Variants in ADARB2 observed in about 807,000 individuals in gnomAD.
ADARB2 encodes inactive double-stranded RNA-specific editase B2.
A neutral mutation model predicts 62.2 loss-of-function variants in ADARB2; 25 were observed. The ratio of observed to expected loss-of-function variants is 0.40; its 90% CI spans 0.29 to 0.56. The LOEUF is 0.56. Ranked by LOEUF, ADARB2 falls within the 20% of genes least tolerant of loss-of-function variation. The pLI, the probability that ADARB2 is intolerant of heterozygous loss-of-function variation, is 0.43. For synonymous variants in ADARB2, 572 were observed against 500.8 expected (o/e 1.14, Z -1.90); for missense variants, 1,071 against 1,077.4 (o/e 0.99, Z 0.08).
intron 1 of ADARB2, among the ~76,000 whole-genome samples, chr10:1,684,838 G>A (rs80318943): frequency 0.014 from 2,120 of 152,330 alleles, 54 homozygotes; most frequent in African/African-American, 0.049. Context: ...TCAGGAATGC[G>A]TGAGTTCTGA....
chr10:1,719,754 A>G (rs1460570702), intron 1 of ADARB2, among the ~76,000 whole-genome samples: 1 of 152,136 alleles, frequency 6.6e-6, no homozygotes, highest in Non-Finnish European at 1.5e-5. Context: ...CACGTTCTCT[A>G]AAGAAGACAA....
At position 1,363,344 on chromosome 10, in the gene ADARB2, C is replaced by G. The variant is rs981640528; in HGVS notation, c.761G>C (p.Arg254Pro). Residue 254 changes from arginine to proline, a missense_variant, in exon 3 of 10, where the codon CGG becomes CCG. Coordinates refer to ENST00000381312, the MANE Select transcript of ADARB2 (RefSeq NM_018702.4). ...GTCCAGCGCGCGGCACAGCAGCCGC[C>G]GTCGCCCGTAGGCCGCGGACAGAAG... is the stretch of plus-strand genomic sequence containing the variant. ...AALLSAAYGR[R>P]RLLCRALDLV... is the part of the protein sequence containing the mutation. 9.6e-6 allele frequency: 12 copies of G among 1,252,204 alleles called. No homozygotes were observed. The highest frequency in any genetic ancestry group is 4.3e-5 in the Admixed American group (1 of 23,110). 77.6% of individuals were successfully genotyped at this position (1,252,204 alleles called of 1,614,324 possible).
chr10:1,627,213 C>T (rs781363184), intron 1 of ADARB2, among the ~76,000 whole-genome samples: 5 of 152,078 alleles, frequency 3.3e-5, no homozygotes, highest in Non-Finnish European at 5.9e-5. Context: ...CTTGACGAGC[C>T]TCGGATTGAT....
intron 1 of ADARB2, among the ~76,000 whole-genome samples, chr10:1,573,986 A>G (rs916173725): frequency 1.3e-5 from 2 of 152,220 alleles, no homozygotes; most frequent in African/African-American, 4.8e-5. Context: ...TGTTTCTTAC[A>G]TTAAAACAAT....
intron 1 of ADARB2, among the ~76,000 whole-genome samples, chr10:1,405,716 C>T (rs1041113574): frequency 2.6e-5 from 4 of 151,918 alleles, no homozygotes; most frequent in African/African-American, 7.3e-5. Flanking sequence ...TATGTTGAAG[C>T]CTCTAAGAAG....
At chr10:1,327,947 GTTCAGTGT>G (rs1831890161) in intron 3 of ADARB2, among the ~76,000 whole-genome samples, 2 of 151,822 alleles carry the variant, frequency 1.3e-5, no homozygotes, top group Non-Finnish European at 2.9e-5. Flanking sequence ...CCTCCTCACA[GTTCAGTGT>G]CTCACCAGTA....
chr10:1,557,785 A>T (rs1013981017), intron 1 of ADARB2, among the ~76,000 whole-genome samples: 13 of 152,100 alleles, frequency 8.5e-5, no homozygotes, highest in African/African-American at 3.1e-4. Flanking sequence ...AGTGGTGGGC[A>T]TCTGTAATCC....
chr10:1,737,145 G>A lies in ADARB2; in HGVS notation c.6C>T (p.Ala2=). 6.2e-7 allele frequency: 1 copy of A among 1,607,680 alleles called. No individual in the cohort carries two copies. Among genetic ancestry groups the A allele is most frequent in the Non-Finnish European group, 8.5e-7 (1 of 1,179,874 alleles). Residue 2 remains alanine (A), a synonymous_variant, in exon 1 of 10, where the codon GCC becomes GCT. Coordinates refer to ENST00000381312, the MANE Select transcript of ADARB2 (RefSeq NM_018702.4). Reference sequence around the variant, plus strand: ...ACCCTCTGCCGCTCCCCAGGACCGAGGCCATGGCCGAGACCCAGGCGCGGA... The same window carrying A: ...ACCCTCTGCCGCTCCCCAGGACCGAAGCCATGGCCGAGACCCAGGCGCGGA... M[A]SVLGSGRGSG...
chr10:1,560,657 G>A (rs969531968), intron 1 of ADARB2, among the ~76,000 whole-genome samples: 2 of 152,180 alleles, frequency 1.3e-5, no homozygotes, highest in African/African-American at 4.8e-5. Flanking sequence ...GCAATTGTAA[G>A]ACTGCAGTCA....
intron 6 of ADARB2, among the ~76,000 whole-genome samples, chr10:1,231,971 A>G (rs939015646): frequency 3.9e-5 from 6 of 152,220 alleles, no homozygotes; most frequent in Admixed American, 3.3e-4. Context: ...ACAGCAGGGC[A>G]TAACAAAAAT....
chr10:1,690,032 C>T (rs58862352), intron 1 of ADARB2, among the ~76,000 whole-genome samples: 2,333 of 152,176 alleles, frequency 0.015, 62 homozygotes, highest in African/African-American at 0.053. Flanking sequence ...GACTGCTCAC[C>T]GAAGTCTTTG....
chr10:1,417,514 C>A (rs1314767013), intron 1 of ADARB2, among the ~76,000 whole-genome samples: 1 of 152,186 alleles, frequency 6.6e-6, no homozygotes, highest in Non-Finnish European at 1.5e-5. Context: ...TATTATCATT[C>A]CTATTTTACA....
rs1203226815 is a variant in ADARB2 at position 1,460,109 on chromosome 10, TGC to T, written c.101-80951_101-80950del. ...AACCTGCCTGTGACCTGAGTTTACC[TGC>T]GTTACGAACCTGCCTGTGACCTGAG... On this transcript the variant is annotated intron_variant, in intron 1 of 9. Transcript: ENST00000381312. Among the ~76,000 whole-genome samples, 7 of 49,134 alleles carry T rather than the reference TGC, an allele frequency of 1.4e-4. 1 individual carries two copies. The highest frequency in any genetic ancestry group is 4.4e-4 in the African/African-American group (6 of 13,732). 32.2% of individuals were successfully genotyped at this position (49,134 alleles called of 152,430 possible).
Position 1,292,791 on chromosome 10 carries a change from C to T in ADARB2, c.1078-21722G>A, listed in dbSNP as rs571474395. ...GGACACCCCAACGGGGAACAGAGGT[C>T]GAATGACGTGTGGCTGCTCGGAGCC... is the stretch of plus-strand genomic sequence containing the variant. On this transcript the variant is annotated intron_variant, in intron 3 of 9. Coordinates refer to ENST00000381312, the MANE Select transcript of ADARB2 (RefSeq NM_018702.4). 5.9e-5 allele frequency: 9 copies of T among 152,236 alleles called. No homozygotes were observed. In the Middle Eastern group the frequency reaches 0.01, roughly 173 times the overall value. The allele number at this position is 152,236 out of a possible 1,614,324, so 9.4% of individuals were successfully genotyped here.
intron 8 of ADARB2, among the ~76,000 whole-genome samples, chr10:1,199,104 C>A (rs1368232495): frequency 6.6e-6 from 1 of 152,232 alleles, no homozygotes; most frequent in East Asian, 1.9e-4. Context: ...CTGCCTGATT[C>A]TGCCACAGGC....
chr10:1,228,410 G>A (rs1317364795), intron 6 of ADARB2, among the ~76,000 whole-genome samples: 2 of 152,164 alleles, frequency 1.3e-5, no homozygotes, highest in African/African-American at 2.4e-5. Context: ...GCTCCATCTG[G>A]GCTCTTTCAG....
In ADARB2 at chr10:1,181,810, A is replaced by G. The variant is rs1836678919; in HGVS notation, c.*1383T>C. On this transcript the variant is annotated 3_prime_UTR_variant, in exon 10 of 10. Coordinates refer to ENST00000381312, the MANE Select transcript of ADARB2 (RefSeq NM_018702.4). ...AAGTTGGAGAAATGAGAGACTGGCT[A>G]TCTAGCATGATGAATGTTAGAAATG... The G allele has an allele frequency of 6.6e-6, 1 of 152,184 alleles. No homozygotes were observed. Among genetic ancestry groups the G allele is most frequent in the African/African-American group, 2.4e-5 (1 of 41,444 alleles). 9.4% of individuals were successfully genotyped at this position (152,184 alleles called of 1,614,324 possible). A position where few individuals can be genotyped will look rare whatever the true frequency, so the allele number is the denominator to read the frequency against.
intron 6 of ADARB2, among the ~76,000 whole-genome samples, chr10:1,218,599 C>A (rs952596812): frequency 1.3e-5 from 2 of 152,146 alleles, no homozygotes; most frequent in African/African-American, 4.8e-5. Flanking sequence ...CCACTGAAAT[C>A]CATGTTGACA....
At chr10:1,603,044 GCACA>G (rs1372818011) in intron 1 of ADARB2, among the ~76,000 whole-genome samples, 1 of 147,228 alleles carries the variant, frequency 6.8e-6, no homozygotes, top group Non-Finnish European at 1.5e-5. Context: ...AAACACACAC[GCACA>G]CACACCTATA....
Sources: allele counts gnomAD v4.1 joint callset (sites outside exome capture counted in the v4.1 genomes callset), GRCh38; gene constraint gnomAD v4.1.1; transcripts MANE v1.5; gene names NCBI Gene and HGNC (gene_info 2026-07-23, HGNC 2026-07-21).